Variants in TMPRSS11F observed in about 807,000 individuals in gnomAD.
The protein encoded by TMPRSS11F is transmembrane protease serine 11F.
A neutral mutation model predicts 60.2 loss-of-function variants in TMPRSS11F; 47 were observed. That is an observed-to-expected ratio of 0.78 (90% confidence interval 0.62 to 1.00). The LOEUF (loss-of-function observed/expected upper bound fraction) is 1.00, where lower values mean the gene tolerates loss of function less well. TMPRSS11F is among the 50% of genes least tolerant of loss of function. TMPRSS11F has a pLI of 0.00. For missense variants in TMPRSS11F, 519 were observed against 522.9 expected, an observed-to-expected ratio of 0.99 and a Z score of 0.07; for synonymous variants, 166 against 167.3, an observed-to-expected ratio of 0.99 and a Z score of 0.06.
At chr4:68,097,602 A>G (rs1200837144) in intron 2 of TMPRSS11F, among the ~76,000 whole-genome samples, 2 of 152,114 alleles carry the variant, frequency 1.3e-5, no homozygotes, top group East Asian at 1.9e-4. Context: ...CAATTAGGAC[A>G]TGGACATCTT....
chr4:68,063,377 TTTTG>T (rs1448967462), intron 8 of TMPRSS11F: 3 of 393,644 alleles, frequency 7.6e-6, no homozygotes, highest in African/African-American at 6.3e-5. Context: ...TGTTTTCTGT[TTTTG>T]TTTTTGTTTG....
chr4:68,065,618 T>C (rs1723309637), intron 7 of TMPRSS11F, among the ~76,000 whole-genome samples: 1 of 152,224 alleles, frequency 6.6e-6, no homozygotes, highest in African/African-American at 2.4e-5. Context: ...AGTCCTATTA[T>C]GTCTTTACTT....
chr4:68,110,187 G>A (rs1330519233), intron 1 of TMPRSS11F, among the ~76,000 whole-genome samples: 1 of 152,120 alleles, frequency 6.6e-6, no homozygotes, highest in Non-Finnish European at 1.5e-5. Context: ...AATGGCATGG[G>A]TTAACTAAGG....
intron 1 of TMPRSS11F, among the ~76,000 whole-genome samples, chr4:68,123,619 A>C (rs1476451143): frequency 1.3e-5 from 2 of 152,184 alleles, no homozygotes; most frequent in African/African-American, 4.8e-5. Context: ...TTGGAAATTA[A>C]AGTATAATCT....
At chr4:68,127,889 A>T (rs11930052) in intron 1 of TMPRSS11F, among the ~76,000 whole-genome samples, 56,372 of 152,002 alleles carry the variant, frequency 0.37, 12,692 homozygotes, top group Non-Finnish European at 0.52. Context: ...AAACCAATAA[A>T]CCAAAAATTG....
chr4:68,080,761 T>C lies in TMPRSS11F; in HGVS notation c.283-6752A>G, dbSNP rs146666709. ...TTCTGAAAGATCTTGATTAATAAAT[T>C]ATTTAATCAAGATCCCCCAGTCATA... On this transcript the variant is annotated intron_variant, in intron 3 of 9. Coordinates refer to ENST00000356291, the MANE Select transcript of TMPRSS11F (RefSeq NM_207407.2). 1.2e-3 allele frequency: 176 copies of C among 151,580 alleles called. 1 individual carries two copies. The highest frequency in any genetic ancestry group is 4.2e-3 in the African/African-American group (173 of 40,856). 9.4% of individuals were successfully genotyped at this position (151,580 alleles called of 1,614,324 possible). A position where few individuals can be genotyped will look rare whatever the true frequency, so the allele number is the denominator to read the frequency against.
intron 1 of TMPRSS11F, among the ~76,000 whole-genome samples, chr4:68,102,234 G>C (rs779998841): frequency 6.8e-4 from 103 of 152,170 alleles, no homozygotes; most frequent in Non-Finnish European, 1.2e-3. Flanking sequence ...TGGACACTTA[G>C]GCTGTTTCCG....
chr4:68,125,015 C>G (rs1012936374), intron 1 of TMPRSS11F, among the ~76,000 whole-genome samples: 9 of 123,236 alleles, frequency 7.3e-5, no homozygotes, highest in African/African-American at 2.7e-4. Flanking sequence ...TTTTGAGAAT[C>G]ATGCATTGGG....
At position 68,069,986 on chromosome 4, in the gene TMPRSS11F, C is replaced by T. The variant is rs1482842519; in HGVS notation, c.536G>A (p.Arg179Lys). 6.2e-7 allele frequency: 1 copy of T among 1,602,946 alleles called. No individual in the cohort carries two copies. Among genetic ancestry groups the T allele is most frequent in the Admixed American group, 1.7e-5 (1 of 58,642 alleles). The change falls in exon 6 of 10, where the codon AGG becomes AAG. Residue 179 changes from arginine to lysine, a missense_variant. By Grantham distance (26) the Arg-to-Lys change is conservative. Coordinates refer to ENST00000356291, the MANE Select transcript of TMPRSS11F (RefSeq NM_207407.2). ...GAACTTACGACTGTTGAGAAGATTC[C>T]TCATCTTTTTGCTGTCAATAGCTGG... Reference protein sequence around the residue: ...RLTPIDSKKMRNLLNSRCGIR... With the variant: ...RLTPIDSKKMKNLLNSRCGIR...
chr4:68,061,630 A>C (rs976990084), intron 8 of TMPRSS11F, among the ~76,000 whole-genome samples: 1 of 152,224 alleles, frequency 6.6e-6, no homozygotes, highest in African/African-American at 2.4e-5. Context: ...CATTTTCTAC[A>C]GCTTATCTGC....
intron 1 of TMPRSS11F, among the ~76,000 whole-genome samples, chr4:68,121,597 CTAAA>C (rs1469432497): frequency 1.3e-5 from 2 of 152,054 alleles, no homozygotes; most frequent in Non-Finnish European, 2.9e-5. Flanking sequence ...AAATAAGTAA[CTAAA>C]TACATAAAAA....
chr4:68,084,550 C>T (rs534104220), intron 3 of TMPRSS11F, among the ~76,000 whole-genome samples: 29 of 152,200 alleles, frequency 1.9e-4, no homozygotes, highest in African/African-American at 7.0e-4. Flanking sequence ...GAACTTCATT[C>T]CCTGCCAAAC....
intron 1 of TMPRSS11F, among the ~76,000 whole-genome samples, chr4:68,118,911 C>T (rs1157334636): frequency 2.6e-5 from 4 of 151,996 alleles, no homozygotes. Flanking sequence ...CATTTTAAAT[C>T]AAAAGCTAGA....
chr4:68,083,687 C>T lies in TMPRSS11F; in HGVS notation c.282+6836G>A, dbSNP rs185060679. ...AATAATAAAAAAAGCCCCATTCAAA[C>T]GACAGCAAATTCAAAAAGATAAAGG... On this transcript the variant is annotated intron_variant, in intron 3 of 9. Coordinates refer to ENST00000356291, the MANE Select transcript of TMPRSS11F (RefSeq NM_207407.2). Among the ~76,000 whole-genome samples the T allele has an allele frequency of 4.6e-5, 7 of 152,138 alleles. No individual in the cohort carries two copies. The East Asian group carries it at 5.8e-4, about 13-fold the overall frequency.
intron 3 of TMPRSS11F, among the ~76,000 whole-genome samples, chr4:68,081,130 G>T (rs1353512569): frequency 2.6e-5 from 4 of 152,236 alleles, no homozygotes; most frequent in African/African-American, 9.6e-5. Flanking sequence ...AATATAAAGA[G>T]CCCAGTAAAG....
At chr4:68,056,489 A>T (rs1245911846) in intron 9 of TMPRSS11F, among the ~76,000 whole-genome samples, 1 of 151,990 alleles carries the variant, frequency 6.6e-6, no homozygotes, top group Non-Finnish European at 1.5e-5. Flanking sequence ...GAAGAGGTGA[A>T]CGCTTTGTAT....
At chr4:68,112,044 G>C (rs1273114097) in intron 1 of TMPRSS11F, among the ~76,000 whole-genome samples, 1 of 152,164 alleles carries the variant, frequency 6.6e-6, no homozygotes, top group African/African-American at 2.4e-5. Flanking sequence ...CAGACACTCT[G>C]TAATTTGAGA....
intron 2 of TMPRSS11F, among the ~76,000 whole-genome samples, chr4:68,096,144 G>T (rs769813260): frequency 6.6e-6 from 1 of 151,706 alleles, no homozygotes; most frequent in African/African-American, 2.4e-5. Context: ...GACTAAAGCT[G>T]CCTTCAACAA....
Position 68,105,374 on chromosome 4 carries a change from A to G in TMPRSS11F, c.12-6336T>C, listed in dbSNP as rs572031455. Among the ~76,000 whole-genome samples the G allele has an allele frequency of 2.6e-5, 4 of 152,138 alleles. No homozygotes were observed. In the South Asian group the frequency reaches 6.2e-4, roughly 24 times the overall value. On this transcript the variant is annotated intron_variant, in intron 1 of 9. Transcript: ENST00000356291. ...TAAACTTTTTAAAAGTTAAACAGAA[A>G]ACGTCCGTATATCCTCTAAACTAGT... is the stretch of plus-strand genomic sequence containing the variant.
Sources: gnomAD v4.1 joint callset for allele counts (sites outside exome capture counted in the v4.1 genomes callset) on GRCh38, gnomAD v4.1.1 for gene constraint, MANE v1.5 for transcripts, NCBI Gene and HGNC (gene_info 2026-07-23, HGNC 2026-07-21) for gene names.